Variants in ZNF532 observed in about 807,000 individuals in gnomAD.
The protein encoded by ZNF532 is zinc finger protein 532.
In ZNF532, 22 loss-of-function variants were observed where a neutral mutation model predicts 89.3. The observed-to-expected ratio is 0.25, with a 90% CI of 0.18 to 0.35. ZNF532 has a LOEUF of 0.35. ZNF532 is among the 10% of genes least tolerant of loss of function. The pLI is 1.00. For synonymous variants in ZNF532, 606 were observed against 649.6 expected (o/e 0.93, Z 1.02); for missense variants, 1,132 against 1,643.4 (o/e 0.69, Z 5.38).
At chr18:58,980,271 A>G (rs2067591299) in intron 8 of ZNF532, 1 of 152,244 alleles carries the variant, frequency 6.6e-6, no homozygotes, top group African/African-American at 2.4e-5. Context: ...AAGAATCAGA[A>G]TTTAGAAGGA....
chr18:58,926,643 C>T (rs890144666), intron 3 of ZNF532, among the ~76,000 whole-genome samples: 21 of 152,302 alleles, frequency 1.4e-4, no homozygotes, highest in Middle Eastern at 3.4e-3. Context: ...CCACTGTACC[C>T]GGCCTTGTAG....
Position 58,919,065 on chromosome 18 carries a change from A to G in ZNF532, c.778A>G (p.Lys260Glu), listed in dbSNP as rs757565562. The change falls in exon 3 of 10, where the codon AAG becomes GAG. Residue 260 changes from lysine (K) to glutamate (E), a missense_variant. Physicochemically the swap from Lys to Glu is moderately conservative, Grantham distance 56 (BLOSUM62 1). Transcript: ENST00000591808. The surrounding 1 kb of genome is among the most constrained non-coding windows in gnomAD (Gnocchi z 6.1). ...CAGCCTCCCCAGCGTTGCGCCATCA[A>G]AGACAAAGTCGTCCTCCAAGCTCTC... Reference protein sequence around the residue: ...DTSLPSVAPSKTKSSSKLSSC... With the variant: ...DTSLPSVAPSETKSSSKLSSC... 6 of 1,614,116 alleles carry G rather than the reference A, an allele frequency of 3.7e-6. No homozygotes were observed. The highest frequency in any genetic ancestry group is 5.1e-6 in the Non-Finnish European group (6 of 1,180,028).
At chr18:58,926,942 T>G (rs2061574946) in intron 3 of ZNF532, among the ~76,000 whole-genome samples, 1 of 152,240 alleles carries the variant, frequency 6.6e-6, no homozygotes, top group Non-Finnish European at 1.5e-5. Flanking sequence ...GCTATTTTGT[T>G]AAGGAGTTTT....
intron 7 of ZNF532, among the ~76,000 whole-genome samples, chr18:58,967,405 G>A (rs1040643314): frequency 3.3e-5 from 5 of 152,094 alleles, no homozygotes; most frequent in African/African-American, 7.2e-5. Context: ...AGAGCTGCTC[G>A]CAGTTTCCTG....
intron 2 of ZNF532, among the ~76,000 whole-genome samples, chr18:58,909,421 G>A (rs149526561): frequency 6.6e-6 from 1 of 151,394 alleles, no homozygotes; most frequent in African/African-American, 2.4e-5. Flanking sequence ...CGACTCTTAA[G>A]GCAGAATTAG....
At chr18:58,981,436 C>G in intron 8 of ZNF532, 34 bp from the exon 9 acceptor site, 1 of 1,597,678 alleles carries the variant, frequency 6.3e-7, no homozygotes, top group Non-Finnish European at 8.5e-7. Flanking sequence ...ATTTTGTCAG[C>G]AAGTGCGTTA....
Position 58,898,382 on chromosome 18 carries a change from G to A in ZNF532, c.-17-19889G>A, listed in dbSNP as rs931185579. Among the ~76,000 whole-genome samples the A allele has an allele frequency of 3.3e-5, 5 of 152,314 alleles. No homozygotes were observed. The East Asian group carries it at 9.6e-4, about 29-fold the overall frequency. On this transcript the variant is annotated intron_variant, in intron 2 of 9. Coordinates refer to ENST00000591808, the MANE Select transcript of ZNF532 (RefSeq NM_001375912.1). ...GGCCTGGGGCAAGAGTACTAATGGA[G>A]ACCAGATGGCTAAATATTTAAAAGG...
chr18:58,884,928 T>G (rs1038401541), intron 2 of ZNF532, among the ~76,000 whole-genome samples: 5 of 152,188 alleles, frequency 3.3e-5, no homozygotes, highest in African/African-American at 1.2e-4. Context: ...CCTAGACCGT[T>G]TCAGTATTTC....
At chr18:58,938,934 CATG>C (rs1221627575) in intron 4 of ZNF532, among the ~76,000 whole-genome samples, 11 of 152,236 alleles carry the variant, frequency 7.2e-5, no homozygotes, top group Admixed American at 6.5e-4. Flanking sequence ...TTTTCTTCTT[CATG>C]ATCTTTTCTC....
In ZNF532 at chr18:58,918,901, C is replaced by A; in HGVS notation, c.614C>A (p.Thr205Lys). The A allele has an allele frequency of 6.2e-7, 1 of 1,614,072 alleles. No individual in the cohort carries two copies. The highest frequency in any genetic ancestry group is 8.5e-7 in the Non-Finnish European group (1 of 1,180,030). Residue 205 changes from threonine (T) to lysine (K), a missense_variant, in exon 3 of 10, where the codon ACA (threonine) becomes AAA (lysine). Transcript: ENST00000591808. ...VEKNKAVKRE[T>K]EASSINLSVY... ...AAAAACAAAGCTGTTAAGAGAGAAA[C>A]AGAAGCCAGTTCTATAAACCTGAGT...
At chr18:58,953,390 T>C (rs2064420653) in intron 6 of ZNF532, 128 bp from the exon 7 acceptor site, 2 of 778,684 alleles carry the variant, frequency 2.6e-6, no homozygotes, top group Non-Finnish European at 4.0e-6. Flanking sequence ...TTTTTCTTTA[T>C]ATATTAAATA....
chr18:58,969,873 C>CTTT (rs10617418), intron 7 of ZNF532, among the ~76,000 whole-genome samples: 76 of 84,740 alleles, frequency 9.0e-4, no homozygotes, highest in East Asian at 1.4e-3. Flanking sequence ...ATATTTGTCC[C>CTTT]TTTTTTTTTT....
intron 2 of ZNF532, among the ~76,000 whole-genome samples, chr18:58,909,034 A>G (rs962421469): frequency 6.6e-6 from 1 of 151,968 alleles, no homozygotes; most frequent in Non-Finnish European, 1.5e-5. Context: ...GCTCACTGCA[A>G]CCTCTGCCTC....
intron 7 of ZNF532, among the ~76,000 whole-genome samples, chr18:58,961,962 T>A (rs2065389325): frequency 6.6e-6 from 1 of 152,078 alleles, no homozygotes; most frequent in African/African-American, 2.4e-5. Context: ...TGGTGGGTCA[T>A]GCCTGTAATC....
At chr18:58,895,361 T>G (rs1307471741) in intron 2 of ZNF532, among the ~76,000 whole-genome samples, 2 of 152,236 alleles carry the variant, frequency 1.3e-5, no homozygotes, top group East Asian at 3.8e-4. Context: ...TCAGATAGAT[T>G]TGATAAGTAT....
At chr18:58,926,286 C>T (rs531496025) in intron 3 of ZNF532, 17 of 152,182 alleles carry the variant, frequency 1.1e-4, no homozygotes, top group East Asian at 5.8e-4. Flanking sequence ...GCCAAAAGGC[C>T]GATAAATGAT....
rs1156615647 is a variant in ZNF532 at position 58,919,055 on chromosome 18, T to G, written c.768T>G (p.Val256=). ...SEKNDTSLPS[V]APSKTKSSSK... ...AGAATGACACCAGCCTCCCCAGCGT[T>G]GCGCCATCAAAGACAAAGTCGTCCT... Residue 256 remains valine, a synonymous_variant, in exon 3 of 10, where the codon GTT becomes GTG. Coordinates refer to ENST00000591808, the MANE Select transcript of ZNF532 (RefSeq NM_001375912.1). The surrounding 1 kb of genome is among the most constrained non-coding windows in gnomAD (Gnocchi z 6.1). 3 of 1,613,974 alleles carry G rather than the reference T, an allele frequency of 1.9e-6. No homozygotes were observed. Among genetic ancestry groups the G allele is most frequent in the Admixed American group, 3.3e-5 (2 of 60,024 alleles).
At chr18:58,875,407 G>A (rs2057345057) in intron 2 of ZNF532, among the ~76,000 whole-genome samples, 2 of 152,216 alleles carry the variant, frequency 1.3e-5, no homozygotes, top group Non-Finnish European at 2.9e-5. Context: ...TTCTGGAATG[G>A]TGGGTGGACA....
At chr18:58,920,781 TGTGTG>T in intron 3 of ZNF532, 148 bp downstream of exon 3, 1 of 600,148 alleles carries the variant, frequency 1.7e-6, no homozygotes, top group East Asian at 3.0e-5. Flanking sequence ...TGTGTGTGTG[TGTGTG>T]TGTGTTTGGG....
Sources: gnomAD v4.1 joint callset for allele counts (sites outside exome capture counted in the v4.1 genomes callset) on GRCh38, gnomAD v4.1.1 for gene constraint, Gnocchi (gnomAD v3.1) non-coding constraint, MANE v1.5 for transcripts, NCBI Gene and HGNC (gene_info 2026-07-23, HGNC 2026-07-21) for gene names.